The following HCRTR2 variants were observed in gnomAD, a reference collection of about 807,000 sequenced individuals.
HCRTR2 encodes the protein hypocretin receptor 2, also known as orexin receptor type 2.
In HCRTR2, 22 loss-of-function variants were observed where a neutral mutation model predicts 49.0. The ratio of observed to expected loss-of-function variants is 0.45; its 90% CI spans 0.32 to 0.64. The LOEUF is 0.64. Ranked by LOEUF, HCRTR2 falls within the 30% of genes least tolerant of loss-of-function variation. The pLI, the probability that HCRTR2 is intolerant of heterozygous loss-of-function variation, is 0.04. For synonymous variants in HCRTR2, 236 were observed against 205.3 expected (o/e 1.15, Z -1.28); for missense variants, 491 against 559.4 (o/e 0.88, Z 1.23).
chr6:55,123,917 G>T (rs149809865), intron 1 of HCRTR2, among the ~76,000 whole-genome samples: 1 of 152,108 alleles, frequency 6.6e-6, no homozygotes, highest in African/African-American at 2.4e-5. Flanking sequence ...TTGTCTAGAG[G>T]TGTTTATAGT....
At chr6:55,131,849 G>A (rs1162745372) in intron 1 of HCRTR2, among the ~76,000 whole-genome samples, 3 of 151,758 alleles carry the variant, frequency 2.0e-5, no homozygotes, top group Non-Finnish European at 4.4e-5. Context: ...ATATGGTGCT[G>A]AGGAAAATAA....
At chr6:55,144,508 C>T (rs1453538161) in intron 1 of HCRTR2, among the ~76,000 whole-genome samples, 2 of 152,046 alleles carry the variant, frequency 1.3e-5, no homozygotes, top group East Asian at 3.9e-4. Flanking sequence ...TTCTTGGTAC[C>T]AGGGCCAGTT....
At chr6:55,222,612 G>T (rs4530845) in intron 1 of HCRTR2, among the ~76,000 whole-genome samples, 27,204 of 152,004 alleles carry the variant, frequency 0.18, 2,807 homozygotes, top group Non-Finnish European at 0.24. Flanking sequence ...TACAAAAGAA[G>T]AAAATCTTAT....
intron 2 of HCRTR2, 122 bp downstream of exon 2, chr6:55,248,939 A>G (rs1341396270): frequency 2.4e-6 from 2 of 832,612 alleles, no homozygotes; most frequent in African/African-American, 3.4e-5. Context: ...GACAAACTGA[A>G]GGAAAATAAT....
rs571467200 is a variant in HCRTR2, at chr6:55,192,243, C to T, written c.223+17433C>T. 4.6e-5 allele frequency among the ~76,000 whole-genome samples: 7 copies of T among 152,144 alleles called. No homozygotes were observed. The South Asian group carries it at 1.2e-3, about 27-fold the overall frequency. ...TTCCAACAAAAAAAATTAGGATCTGCCTTGGCTTTTGCTAAGAAAGTAATT... is the reference window on the plus strand; with the variant it reads ...TTCCAACAAAAAAAATTAGGATCTGTCTTGGCTTTTGCTAAGAAAGTAATT... On this transcript the variant is annotated intron_variant, in intron 1 of 6. Coordinates refer to ENST00000370862, the MANE Select transcript of HCRTR2 (RefSeq NM_001384272.1).
At chr6:55,277,706 G>A (rs1767106072) in intron 5 of HCRTR2, 106 bp downstream of exon 5, 1 of 846,448 alleles carries the variant, frequency 1.2e-6, no homozygotes, top group African/African-American at 1.8e-5. Flanking sequence ...TAAACTTTCT[G>A]CTTAGATACC....
chr6:55,252,239 G>A (rs1021947142), intron 2 of HCRTR2, among the ~76,000 whole-genome samples: 2 of 152,068 alleles, frequency 1.3e-5, no homozygotes, highest in Non-Finnish European at 2.9e-5. Flanking sequence ...GTGTGATGAA[G>A]GGCAGTGCTC....
chr6:55,261,583 C>G (rs1766756925), intron 3 of HCRTR2, among the ~76,000 whole-genome samples: 1 of 151,848 alleles, frequency 6.6e-6, no homozygotes, highest in Non-Finnish European at 1.5e-5. Flanking sequence ...CCAATACCAC[C>G]TTACTCTTAC....
intron 1 of HCRTR2, among the ~76,000 whole-genome samples, chr6:55,180,434 G>T (rs1561997597): frequency 6.6e-6 from 1 of 152,232 alleles, no homozygotes; most frequent in Non-Finnish European, 1.5e-5. Flanking sequence ...TTGCCATGCT[G>T]TTTTTCTGAT....
At chr6:55,250,086 A>C (rs1766519495) in intron 2 of HCRTR2, among the ~76,000 whole-genome samples, 2 of 152,102 alleles carry the variant, frequency 1.3e-5, no homozygotes, top group Non-Finnish European at 2.9e-5. Context: ...AGAAGTGAAA[A>C]ATTTTTAAGG....
intron 2 of HCRTR2, among the ~76,000 whole-genome samples, chr6:55,254,388 T>G (rs1368144687): frequency 6.6e-6 from 1 of 152,114 alleles, no homozygotes; most frequent in African/African-American, 2.4e-5. Flanking sequence ...TTAAAATTTT[T>G]TGTTGTTGTT....
chr6:55,191,484 T>C (rs181700583), intron 1 of HCRTR2, among the ~76,000 whole-genome samples: 181 of 152,302 alleles, frequency 1.2e-3, no homozygotes, highest in African/African-American at 4.2e-3. Context: ...TAGTCAATTA[T>C]GTCATGGAAA....
At chr6:55,118,656 G>T (rs1231065195) in intron 1 of HCRTR2, among the ~76,000 whole-genome samples, 1 of 151,882 alleles carries the variant, frequency 6.6e-6, no homozygotes. Flanking sequence ...GATTATTGAG[G>T]ATGAGCTTTT....
intron 1 of HCRTR2, chr6:55,240,775 G>T (rs1044192308): frequency 2.3e-6 from 1 of 426,516 alleles, no homozygotes; most frequent in Non-Finnish European, 4.8e-6. Context: ...GATTTTGGAT[G>T]ACTGCATTCC....
At chr6:55,280,131 T>A (rs905577985) in intron 5 of HCRTR2, among the ~76,000 whole-genome samples, 192 bp from the exon 6 acceptor site, 1 of 152,182 alleles carries the variant, frequency 6.6e-6, no homozygotes, top group African/African-American at 2.4e-5. Flanking sequence ...GCTTTTGATT[T>A]ATTGATTGTG....
intron 1 of HCRTR2, among the ~76,000 whole-genome samples, chr6:55,207,036 A>G (rs1356919600): frequency 2.0e-5 from 3 of 152,130 alleles, no homozygotes; most frequent in African/African-American, 7.2e-5. Context: ...TTGCTATAAA[A>G]TGGGAGGATA....
chr6:55,234,080 C>G (rs1249693985), intron 1 of HCRTR2, among the ~76,000 whole-genome samples: 1 of 152,134 alleles, frequency 6.6e-6, no homozygotes, highest in Admixed American at 6.5e-5. Context: ...ATCTAAGACA[C>G]TCTCAGATAC....
At chr6:55,179,195 G>A (rs142688522) in intron 1 of HCRTR2, among the ~76,000 whole-genome samples, 7 of 152,052 alleles carry the variant, frequency 4.6e-5, no homozygotes, top group African/African-American at 7.2e-5. Context: ...CTGCTTCTCC[G>A]AATGCCCATT....
chr6:55,263,339 T>C (rs1581864987), intron 3 of HCRTR2, among the ~76,000 whole-genome samples: 1 of 152,206 alleles, frequency 6.6e-6, no homozygotes, highest in East Asian at 1.9e-4. Context: ...TGTCCCTTTT[T>C]GTAAATAAAA....
Sources: gnomAD v4.1 joint callset for allele counts (sites outside exome capture counted in the v4.1 genomes callset) on GRCh38, gnomAD v4.1.1 for gene constraint, MANE v1.5 for transcripts, NCBI Gene and HGNC (gene_info 2026-07-23, HGNC 2026-07-21) for gene names.